The following GALM variants were observed in gnomAD, a reference collection of about 807,000 sequenced individuals.
The protein encoded by GALM is galactose mutarotase.
Under a neutral mutation model 37.4 loss-of-function variants are expected in GALM, and 43 were observed. The ratio of observed to expected loss-of-function variants is 1.15; its 90% CI spans 0.90 to 1.48. The LOEUF (loss-of-function observed/expected upper bound fraction) is 1.48, where lower values mean the gene tolerates loss of function less well. GALM is among the 40% of genes most tolerant of loss of function. GALM has a pLI of 0.00. For synonymous variants in GALM, 199 were observed against 170.6 expected, an observed-to-expected ratio of 1.17 and a Z score of -1.30; for missense variants, 456 against 419.1, an observed-to-expected ratio of 1.09 and a Z score of -0.77.
chr2:38,679,892 G>A (rs574560318), intron 2 of GALM, among the ~76,000 whole-genome samples: 4 of 152,198 alleles, frequency 2.6e-5, no homozygotes, highest in Non-Finnish European at 4.4e-5. Flanking sequence ...ATGGGCACCC[G>A]ATAAGTGTTC....
chr2:38,717,306 AGTGT>A (rs56902027), intron 4 of GALM, among the ~76,000 whole-genome samples: 7,402 of 143,644 alleles, frequency 0.052, 256 homozygotes, highest in African/African-American at 0.092. Flanking sequence ...GTATTAAGGG[AGTGT>A]GTGTGTGTGT....
intron 3 of GALM, among the ~76,000 whole-genome samples, chr2:38,689,611 A>T (rs1158387452): frequency 6.6e-6 from 1 of 152,178 alleles, no homozygotes; most frequent in Non-Finnish European, 1.5e-5. Flanking sequence ...GCACACTTGA[A>T]AGTTTCTTCC....
intron 5 of GALM, among the ~76,000 whole-genome samples, chr2:38,729,984 G>T (rs1489179639): frequency 6.6e-6 from 1 of 152,010 alleles, no homozygotes; most frequent in Non-Finnish European, 1.5e-5. Context: ...ACTCTTCCTA[G>T]TGAAGTCACC....
rs571431568 is a variant in GALM, at chr2:38,730,870, G to A, written c.777-865G>A. ...CAGGGGGTGGAAGTTGTAGTGAGCC[G>A]AGATCACGCCACTGCACTCCAGGCT... On this transcript the variant is annotated intron_variant, in intron 5 of 6. Coordinates refer to ENST00000272252, the MANE Select transcript of GALM (RefSeq NM_138801.3). Among the ~76,000 whole-genome samples, 14 of 149,276 alleles carry A rather than the reference G, an allele frequency of 9.4e-5. No homozygotes were observed. In the East Asian group the frequency reaches 2.2e-3, roughly 24 times the overall value.
In GALM at chr2:38,681,448, A is replaced by T. The variant is rs754133960; in HGVS notation, c.514A>T (p.Asn172Tyr). The T allele has an allele frequency of 1.9e-6, 3 of 1,614,206 alleles. No individual in the cohort carries two copies. The Admixed American group carries it at 5.0e-5, about 27-fold the overall frequency. Residue 172 changes from asparagine to tyrosine, a missense_variant, in exon 3 of 7, where the codon AAC becomes TAC. Physicochemically the swap from Asn to Tyr is moderately radical, Grantham distance 143. Coordinates refer to ENST00000272252, the MANE Select transcript of GALM (RefSeq NM_138801.3). ...RAQASQATPV[N>Y]LTNHSYFNLA... ...ACAAGCCAGTCAGGCCACACCAGTCAACCTGACCAACCATTCTTACTTCAA... is the reference window on the plus strand; with the variant it reads ...ACAAGCCAGTCAGGCCACACCAGTCTACCTGACCAACCATTCTTACTTCAA...
At chr2:38,687,700 G>C (rs1403789659) in intron 3 of GALM, among the ~76,000 whole-genome samples, 1 of 150,322 alleles carries the variant, frequency 6.7e-6, no homozygotes, top group East Asian at 1.9e-4. Context: ...GACACAGTAA[G>C]ACTCTGCCTC....
At chr2:38,727,617 C>T (rs1009640899) in intron 4 of GALM, among the ~76,000 whole-genome samples, 3 of 150,918 alleles carry the variant, frequency 2.0e-5, no homozygotes, top group Non-Finnish European at 4.4e-5. Flanking sequence ...GTCCCAGCTC[C>T]TCGGGAGGCT....
intron 1 of GALM, among the ~76,000 whole-genome samples, chr2:38,672,122 G>A (rs932930289): frequency 6.6e-6 from 1 of 152,284 alleles, no homozygotes; most frequent in Admixed American, 6.5e-5. Flanking sequence ...TTGGTTTTGG[G>A]TAGTGGTCAC....
chr2:38,686,555 T>C (rs950107802), intron 3 of GALM, among the ~76,000 whole-genome samples: 2 of 151,958 alleles, frequency 1.3e-5, no homozygotes, highest in African/African-American at 2.4e-5. Flanking sequence ...TGAGCCACCG[T>C]GCCTGGCCAG....
chr2:38,694,655 G>C (rs953797695), intron 4 of GALM, among the ~76,000 whole-genome samples: 3 of 152,018 alleles, frequency 2.0e-5, no homozygotes, highest in Non-Finnish European at 4.4e-5. Context: ...CCAGCACTCT[G>C]GGAGGCCGAG....
At chr2:38,718,261 G>A (rs987484030) in intron 4 of GALM, among the ~76,000 whole-genome samples, 9 of 148,550 alleles carry the variant, frequency 6.1e-5, no homozygotes, top group East Asian at 2.0e-4. Context: ...GGGCAGTGGC[G>A]CAATCTCGGC....
At chr2:38,717,906 C>T (rs1268574169) in intron 4 of GALM, among the ~76,000 whole-genome samples, 2 of 151,770 alleles carry the variant, frequency 1.3e-5, no homozygotes, top group African/African-American at 2.4e-5. Flanking sequence ...ACAATCACAG[C>T]TCACTGCAGC....
chr2:38,672,044 A>G (rs1665119149), intron 1 of GALM, among the ~76,000 whole-genome samples: 1 of 151,946 alleles, frequency 6.6e-6, no homozygotes, highest in Non-Finnish European at 1.5e-5. Context: ...AAAAAAAACA[A>G]CAAAAAAACC....
At chr2:38,704,319 C>T (rs553726058) in intron 4 of GALM, among the ~76,000 whole-genome samples, 2 of 152,078 alleles carry the variant, frequency 1.3e-5, no homozygotes, top group Admixed American at 6.5e-5. Context: ...CCACCTCAGC[C>T]TCCTGCATAG....
chr2:38,672,026 TG>T (rs138791131), intron 1 of GALM, among the ~76,000 whole-genome samples: 3,339 of 150,892 alleles, frequency 0.022, 105 homozygotes, highest in African/African-American at 0.077. Flanking sequence ...CTGATAATTA[TG>T]GGGAAAAAAA....
intron 1 of GALM, among the ~76,000 whole-genome samples, chr2:38,674,678 G>T (rs993636687): frequency 2.2e-4 from 33 of 152,070 alleles, no homozygotes; most frequent in African/African-American, 8.0e-4. Flanking sequence ...CTAATTATGT[G>T]ATTTAAAAAA....
intron 4 of GALM, among the ~76,000 whole-genome samples, chr2:38,691,700 G>A (rs1297106683): frequency 6.6e-6 from 1 of 150,468 alleles, no homozygotes; most frequent in Non-Finnish European, 1.5e-5. Flanking sequence ...ACCTAATTGG[G>A]AATATATGTG....
intron 4 of GALM, among the ~76,000 whole-genome samples, chr2:38,716,416 A>ATGTGCAT (rs1226870306): frequency 1.3e-5 from 2 of 152,194 alleles, no homozygotes; most frequent in Admixed American, 1.3e-4. Flanking sequence ...GAGATTCCAA[A>ATGTGCAT]TGTGCATTTC....
Position 38,733,848 on chromosome 2 carries a change from C to T in GALM, c.*283C>T, listed in dbSNP as rs573810176. On this transcript the variant is annotated 3_prime_UTR_variant, in exon 7 of 7. Coordinates refer to ENST00000272252, the MANE Select transcript of GALM (RefSeq NM_138801.3). Reference sequence around the variant, plus strand: ...CTGACCCTAGCCAGGGACTCCCATGCTGCTGTTGGCTCCATCTCTCCACAC... The same window carrying T: ...CTGACCCTAGCCAGGGACTCCCATGTTGCTGTTGGCTCCATCTCTCCACAC... 10 of 415,816 alleles carry T rather than the reference C, an allele frequency of 2.4e-5. No individual in the cohort carries two copies. Among genetic ancestry groups the T allele is most frequent in the South Asian group, 2.1e-4 (9 of 41,968 alleles). 25.8% of individuals were successfully genotyped at this position (415,816 alleles called of 1,614,324 possible). A position where few individuals can be genotyped will look rare whatever the true frequency, so the allele number is the denominator to read the frequency against.
Sources: gnomAD v4.1 joint callset for allele counts (sites outside exome capture counted in the v4.1 genomes callset) on GRCh38, gnomAD v4.1.1 for gene constraint, MANE v1.5 for transcripts, NCBI Gene and HGNC (gene_info 2026-07-23, HGNC 2026-07-21) for gene names.